Variants in FARP1 observed in about 807,000 individuals in gnomAD.
FARP1 encodes the protein FERM, ARH/RhoGEF and pleckstrin domain protein 1, also known as FERM, ARHGEF and pleckstrin domain-containing protein 1.
In FARP1, 52 loss-of-function variants were observed where a neutral mutation model predicts 128.8. That is an observed-to-expected ratio of 0.40 (90% CI 0.32 to 0.51). FARP1 has a LOEUF of 0.51. FARP1 is among the 20% of genes least tolerant of loss of function. The pLI is 0.45. For synonymous variants in FARP1, 580 were observed against 551.8 expected (o/e 1.05, Z -0.72); for missense variants, 1,333 against 1,367.9 (o/e 0.97, Z 0.40).
intron 1 of FARP1, among the ~76,000 whole-genome samples, chr13:98,179,428 A>G (rs1266921359): frequency 6.6e-6 from 1 of 152,178 alleles, no homozygotes; most frequent in East Asian, 1.9e-4. Flanking sequence ...CAGTGTCCAT[A>G]GGTCTTTTCT....
intron 2 of FARP1, among the ~76,000 whole-genome samples, chr13:98,266,207 T>A (rs117682989): frequency 0.011 from 1,618 of 152,224 alleles, 16 homozygotes; most frequent in Non-Finnish European, 0.016. Flanking sequence ...TGTCAATGGA[T>A]TTCCAGCTCA....
intron 2 of FARP1, among the ~76,000 whole-genome samples, chr13:98,230,670 G>GGTGC (rs1172919727): frequency 2.0e-5 from 3 of 151,980 alleles, no homozygotes; most frequent in African/African-American, 7.3e-5. Flanking sequence ...TATTATACAT[G>GGTGC]GTGCGTGTTC....
intron 19 of FARP1, chr13:98,437,711 G>C (rs1375440007): frequency 1.2e-6 from 1 of 863,706 alleles, no homozygotes; most frequent in African/African-American, 1.6e-5. Flanking sequence ...GTGAAGAAAG[G>C]CAGACCTGTA....
chr13:98,246,425 C>T (rs930383054), intron 2 of FARP1, among the ~76,000 whole-genome samples: 1 of 152,002 alleles, frequency 6.6e-6, no homozygotes, highest in South Asian at 2.1e-4. Context: ...ATCTGTAGAT[C>T]AGCAAAAATA....
intron 2 of FARP1, among the ~76,000 whole-genome samples, chr13:98,232,140 GGTTGGTTT>G (rs1566772910): frequency 2.2e-5 from 2 of 92,194 alleles, no homozygotes; most frequent in African/African-American, 8.8e-5. Flanking sequence ...TTTTTTGTTT[GGTTGGTTT>G]TTTTTTTTTT....
In FARP1 at chr13:98,314,425, G is replaced by A. The variant is rs546896709; in HGVS notation, c.172-29337G>A. 8.0e-4 allele frequency among the ~76,000 whole-genome samples: 121 copies of A among 151,558 alleles called. 1 individual carries two copies. The highest frequency in any genetic ancestry group is 2.8e-3 in the African/African-American group (117 of 41,330). On this transcript the variant is annotated intron_variant, in intron 2 of 26. Transcript: ENST00000319562. The stretch of plus-strand genomic sequence containing the variant: ...CTCCCGAGTAGCTGGGACTACAGGC[G>A]TGTGCCACCATGCCCAGCTAATTTT...
rs141031034 is a variant in FARP1 at position 98,423,208 on chromosome 13, G to A, written c.1827-1364G>A. ...GTGGGTCTGCCTTTCCCACTCAACT[G>A]ACTCAAATGCTAATCTCTTTTGGCA... On this transcript the variant is annotated intron_variant, in intron 16 of 26. Coordinates refer to ENST00000319562, the MANE Select transcript of FARP1 (RefSeq NM_005766.4). Among the ~76,000 whole-genome samples, 1,012 of 152,256 alleles carry A rather than the reference G, an allele frequency of 6.6e-3. 14 individuals are homozygous for A. The highest frequency in any genetic ancestry group is 0.023 in the African/African-American group (971 of 41,528).
chr13:98,214,058 T>C (rs1320352350), intron 2 of FARP1, among the ~76,000 whole-genome samples: 1 of 151,926 alleles, frequency 6.6e-6, no homozygotes, highest in Non-Finnish European at 1.5e-5. Flanking sequence ...GGGCCGGAGG[T>C]GTCACAGGAG....
chr13:98,146,831 C>T (rs1875604288), intron 1 of FARP1, among the ~76,000 whole-genome samples: 1 of 152,188 alleles, frequency 6.6e-6, no homozygotes, highest in African/African-American at 2.4e-5. Context: ...AAAGGAGCCT[C>T]TCCAAGCCTG....
chr13:98,234,524 A>T (rs1255125138), intron 2 of FARP1: 1 of 152,208 alleles, frequency 6.6e-6, no homozygotes, highest in Non-Finnish European at 1.5e-5. Context: ...CCTGGAAAAA[A>T]TTTCCACCTC....
At chr13:98,283,557 T>C (rs1885033598) in intron 2 of FARP1, among the ~76,000 whole-genome samples, 1 of 152,208 alleles carries the variant, frequency 6.6e-6, no homozygotes, top group Admixed American at 6.5e-5. Flanking sequence ...TTGTTTCTGT[T>C]TTTTTCATCT....
intron 24 of FARP1, among the ~76,000 whole-genome samples, chr13:98,442,310 C>T (rs896688943): frequency 6.6e-6 from 1 of 152,246 alleles, no homozygotes; most frequent in Non-Finnish European, 1.5e-5. Context: ...CATGGAGGGT[C>T]TCGAGAGAGT....
rs140211830 is a variant in FARP1, at chr13:98,237,349, T to C, written c.171+23936T>C. ...AATTTATCAAAACTTACACAAACGC[T>C]GACGGACTGTATGTGGCACCGATTG... On this transcript the variant is annotated intron_variant, in intron 2 of 26. Coordinates refer to ENST00000319562, the MANE Select transcript of FARP1 (RefSeq NM_005766.4). Among the ~76,000 whole-genome samples the C allele has an allele frequency of 2.6e-3, 390 of 151,802 alleles. 1 individual carries two copies. Among genetic ancestry groups the C allele is most frequent in the African/African-American group, 8.5e-3 (354 of 41,412 alleles).
At chr13:98,217,054 T>C (rs1846295327) in intron 2 of FARP1, among the ~76,000 whole-genome samples, 1 of 152,144 alleles carries the variant, frequency 6.6e-6, no homozygotes. Context: ...TGATGGTTCC[T>C]GGGAAGGTTT....
intron 19 of FARP1, chr13:98,437,813 G>A (rs1274127527): frequency 6.3e-7 from 1 of 1,597,046 alleles, no homozygotes; most frequent in African/African-American, 1.3e-5. Context: ...GACAAGCCAG[G>A]CGCATCCCAT....
At chr13:98,210,633 T>G (rs1880638869) in intron 1 of FARP1, among the ~76,000 whole-genome samples, 4 of 151,164 alleles carry the variant, frequency 2.6e-5, no homozygotes, top group Admixed American at 2.0e-4. Context: ...CACTGCAACC[T>G]CCGCCTTCCG....
intron 2 of FARP1, among the ~76,000 whole-genome samples, chr13:98,296,688 CTTT>C (rs11420681): frequency 2.0e-4 from 25 of 123,270 alleles, no homozygotes; most frequent in Non-Finnish European, 2.9e-4. Flanking sequence ...ACTTAATGGC[CTTT>C]TTTTTTTTTT....
At chr13:98,165,262 G>A (rs1325312950) in intron 1 of FARP1, among the ~76,000 whole-genome samples, 5 of 148,078 alleles carry the variant, frequency 3.4e-5, no homozygotes, top group Non-Finnish European at 4.5e-5. Flanking sequence ...ATGATGTGAT[G>A]ATTGCTTCGT....
chr13:98,419,846 T>C (rs1017594033), intron 16 of FARP1, among the ~76,000 whole-genome samples: 5 of 152,080 alleles, frequency 3.3e-5, no homozygotes, highest in African/African-American at 1.2e-4. Flanking sequence ...ACCGCTGGCA[T>C]GTGTGCTCTG....
Sources: allele counts gnomAD v4.1 joint callset (sites outside exome capture counted in the v4.1 genomes callset), GRCh38; gene constraint gnomAD v4.1.1; transcripts MANE v1.5; gene names NCBI Gene and HGNC (gene_info 2026-07-23, HGNC 2026-07-21).